Variants in NKAIN3 observed in about 807,000 individuals in gnomAD.
The protein encoded by NKAIN3 is sodium/potassium-transporting ATPase subunit beta-1-interacting protein 3.
NKAIN3 carries 25 observed loss-of-function variants against 30.2 expected under a neutral mutation model. That is an observed-to-expected ratio of 0.83 (90% CI 0.60 to 1.16). The LOEUF (loss-of-function observed/expected upper bound fraction) is 1.16, where lower values mean the gene tolerates loss of function less well. NKAIN3 is among the 50% of genes most tolerant of loss of function. The probability of loss-of-function intolerance (pLI) is 0.00; values close to 1 mark genes in which losing one functional copy is unlikely to be tolerated. For synonymous variants in NKAIN3, 91 were observed against 89.6 expected (o/e 1.02, Z -0.09); for missense variants, 225 against 254.1 (o/e 0.89, Z 0.78).
chr8:62,273,887 A>C (rs1406824861), intron 1 of NKAIN3, among the ~76,000 whole-genome samples: 1 of 152,192 alleles, frequency 6.6e-6, no homozygotes, highest in East Asian at 1.9e-4. Context: ...GGAAGGAGTT[A>C]ACTGTGATAT....
intron 3 of NKAIN3, among the ~76,000 whole-genome samples, chr8:62,591,350 A>G (rs1204957170): frequency 6.6e-6 from 1 of 151,930 alleles, no homozygotes; most frequent in Non-Finnish European, 1.5e-5. Flanking sequence ...CTTTGGCTCC[A>G]TGGAGTCTCT....
At chr8:62,679,254 C>T (rs921944932) in intron 3 of NKAIN3, among the ~76,000 whole-genome samples, 1 of 152,172 alleles carries the variant, frequency 6.6e-6, no homozygotes, top group African/African-American at 2.4e-5. Flanking sequence ...GAGGCCATTT[C>T]TGACAAGAAT....
chr8:62,290,904 C>T (rs898219529), intron 1 of NKAIN3, among the ~76,000 whole-genome samples: 4 of 152,116 alleles, frequency 2.6e-5, no homozygotes, highest in Admixed American at 2.6e-4. Context: ...TCATTATTGC[C>T]TCAATTTCAG....
chr8:62,313,419 A>AT (rs1007586716), intron 1 of NKAIN3, among the ~76,000 whole-genome samples: 1 of 151,956 alleles, frequency 6.6e-6, no homozygotes, highest in African/African-American at 2.4e-5. Context: ...TCTTCTTCCA[A>AT]TTTTTTCTGA....
chr8:62,639,402 G>A (rs7820024), intron 3 of NKAIN3, among the ~76,000 whole-genome samples: 7,268 of 152,124 alleles, frequency 0.048, 311 homozygotes, highest in African/African-American at 0.11. Flanking sequence ...GACAGAAAAG[G>A]AATGAAACTC....
In NKAIN3 at chr8:62,632,413, T is replaced by C. The variant is rs1489087599; in HGVS notation, c.273+42619T>C. Among the ~76,000 whole-genome samples the C allele has an allele frequency of 2.0e-5, 3 of 152,204 alleles. No individual in the cohort carries two copies. In the East Asian group the frequency reaches 5.8e-4, roughly 29 times the overall value. ...TATTATAAACCTTGTATAATTTTCT[T>C]CCTTCAAATCTGAGCAGAAAACAAA... On this transcript the variant is annotated intron_variant, in intron 3 of 6. Coordinates refer to ENST00000623646, the MANE Select transcript of NKAIN3 (RefSeq NM_001304533.3).
At chr8:62,657,988 G>T (rs1350851634) in intron 3 of NKAIN3, among the ~76,000 whole-genome samples, 4 of 152,192 alleles carry the variant, frequency 2.6e-5, no homozygotes. Context: ...TGAAGAGAGT[G>T]CAGATCTCTC....
chr8:62,374,150 GAAGA>G (rs780038531), intron 1 of NKAIN3, among the ~76,000 whole-genome samples: 2 of 140,174 alleles, frequency 1.4e-5, no homozygotes, highest in African/African-American at 5.3e-5. Flanking sequence ...GAAGACAGAA[GAAGA>G]AAGAAAGAAA....
intron 4 of NKAIN3, among the ~76,000 whole-genome samples, chr8:62,899,257 T>C (rs1245454386): frequency 1.3e-5 from 2 of 152,198 alleles, no homozygotes; most frequent in Non-Finnish European, 2.9e-5. Context: ...AGGAAATTGG[T>C]ATATCATAGA....
At chr8:62,718,054 G>A (rs1010648679) in intron 3 of NKAIN3, among the ~76,000 whole-genome samples, 1 of 152,152 alleles carries the variant, frequency 6.6e-6, no homozygotes, top group Admixed American at 6.5e-5. Flanking sequence ...TGGCAAGAGA[G>A]AATGAGGAAG....
intron 1 of NKAIN3, among the ~76,000 whole-genome samples, chr8:62,376,399 C>T (rs1456112679): frequency 2.6e-5 from 4 of 152,214 alleles, no homozygotes; most frequent in African/African-American, 4.8e-5. Flanking sequence ...CTTACTTGTA[C>T]ATCTCCATCT....
At chr8:62,864,935 G>A (rs577955131) in intron 4 of NKAIN3, among the ~76,000 whole-genome samples, 1 of 152,232 alleles carries the variant, frequency 6.6e-6, no homozygotes, top group South Asian at 2.1e-4. Context: ...AGCGCGGCGT[G>A]TATGGCATTT....
Position 62,311,957 on chromosome 8 carries a change from A to G in NKAIN3, c.54+62830A>G, listed in dbSNP as rs953540067. On this transcript the variant is annotated intron_variant, in intron 1 of 6. Transcript: ENST00000623646. ...GCAGCACCAAAGAAAGGAAACTTTC[A>G]AAATACTGATGCTAGTATCGAGAGT... 8.0e-5 allele frequency among the ~76,000 whole-genome samples: 12 copies of G among 150,626 alleles called. 1 individual carries two copies. The highest frequency in any genetic ancestry group is 2.8e-4 in the African/African-American group (11 of 39,938).
chr8:62,577,536 C>CTTTTTTTT (rs35130487), intron 1 of NKAIN3, among the ~76,000 whole-genome samples: 1 of 111,186 alleles, frequency 9.0e-6, no homozygotes. Context: ...TCAGGGTTTC[C>CTTTTTTTT]TTTTTTTTTT....
chr8:62,917,139 G>A (rs970293091), intron 4 of NKAIN3, among the ~76,000 whole-genome samples: 8 of 151,866 alleles, frequency 5.3e-5, no homozygotes, highest in African/African-American at 1.7e-4. Flanking sequence ...TTACCCCCAG[G>A]CTAAGGGCAC....
chr8:62,433,083 A>C (rs949721287), intron 1 of NKAIN3, among the ~76,000 whole-genome samples: 3 of 152,186 alleles, frequency 2.0e-5, no homozygotes, highest in African/African-American at 7.2e-5. Context: ...ATGTTTAATA[A>C]ATGTCCTGGC....
chr8:62,457,645 TC>T (rs904670916), intron 1 of NKAIN3, among the ~76,000 whole-genome samples: 1 of 152,220 alleles, frequency 6.6e-6, no homozygotes, highest in Non-Finnish European at 1.5e-5. Flanking sequence ...GAGTTCTTTT[TC>T]CTAGGCAGAC....
intron 1 of NKAIN3, among the ~76,000 whole-genome samples, chr8:62,371,765 A>G (rs1222936988): frequency 6.6e-6 from 1 of 151,922 alleles, no homozygotes; most frequent in Non-Finnish European, 1.5e-5. Flanking sequence ...TGCATTCTTT[A>G]TTTCACATAC....
At chr8:62,604,128 G>A (rs1370925421) in intron 3 of NKAIN3, among the ~76,000 whole-genome samples, 1 of 152,064 alleles carries the variant, frequency 6.6e-6, no homozygotes, top group African/African-American at 2.4e-5. Context: ...CCCATCTGAG[G>A]ACTAATAGAA....
Sources: allele counts gnomAD v4.1 joint callset (sites outside exome capture counted in the v4.1 genomes callset), GRCh38; gene constraint gnomAD v4.1.1; transcripts MANE v1.5; gene names NCBI Gene and HGNC (gene_info 2026-07-23, HGNC 2026-07-21).